TAF1C: variants seen among roughly 807,000 people sequenced by gnomAD.
TAF1C encodes the protein TATA-box binding protein associated factor, RNA polymerase I subunit C.
In TAF1C, 79 loss-of-function variants were observed where a neutral mutation model predicts 70.5. The observed-to-expected ratio is 1.12, with a 90% CI of 0.93 to 1.35. The LOEUF is 1.35. Ranked by LOEUF, TAF1C falls within the 40% of genes most tolerant of loss-of-function variation. The pLI is 0.00. For missense variants in TAF1C, 1,412 were observed against 1,127.8 expected, an observed-to-expected ratio of 1.25 and a Z score of -3.61; for synonymous variants, 614 against 491.1, an observed-to-expected ratio of 1.25 and a Z score of -3.31.
At chr16:84,180,144 C>T (rs933711764) in intron 13 of TAF1C, 26 bp downstream of exon 13, 5 of 1,559,376 alleles carry the variant, frequency 3.2e-6, no homozygotes, top group African/African-American at 2.8e-5. Context: ...CTCCCACACG[C>T]CGCCCACCCT....
In TAF1C at chr16:84,180,044, T is replaced by TG. The variant is rs753315015; in HGVS notation, c.1522dup (p.Gln508ProfsTer19). On this transcript the variant is annotated frameshift_variant, in exon 14 of 15. Coordinates refer to ENST00000566732, the MANE Select transcript of TAF1C (RefSeq NM_001243156.2). LOFTEE classifies it high-confidence loss of function. ...GGAGTCGATCCTGGAAGGAAGAGAC[T>TG]GGGGGGGGCCTGCCAGGCGGGGCAC... The TG allele has an allele frequency of 5.4e-5, 86 of 1,605,834 alleles. No individual in the cohort carries two copies. The highest frequency in any genetic ancestry group is 1.0e-4 in the South Asian group (9 of 90,206).
intron 1 of TAF1C, 184 bp from the exon 2 acceptor site, chr16:84,185,244 C>T (rs2089418322): frequency 1.1e-5 from 4 of 380,866 alleles, no homozygotes; most frequent in Non-Finnish European, 1.4e-5. Flanking sequence ...CCAGGAAAAG[C>T]CTCGTTGAGA....
Position 84,179,594 on chromosome 16 carries a change from A to C in TAF1C, c.1879T>G (p.Trp627Gly). 6.2e-7 allele frequency: 1 copy of C among 1,612,702 alleles called. No individual in the cohort carries two copies. Among genetic ancestry groups the C allele is most frequent in the Non-Finnish European group, 8.5e-7 (1 of 1,179,896 alleles). ...CGGTGGGTGAAGGTGGGTGCTGTCCACACAGGAGGAGCCAGGGGCACTTTT... is the reference window on the plus strand; with the variant it reads ...CGGTGGGTGAAGGTGGGTGCTGTCCCCACAGGAGGAGCCAGGGGCACTTTT... ...LLKVPLAPPV[W>G]TAPTFTHRQM... The change falls in exon 15 of 15, where the codon TGG (tryptophan) becomes GGG (glycine). Residue 627 changes from tryptophan (W) to glycine (G), a missense_variant. Coordinates refer to ENST00000566732, the MANE Select transcript of TAF1C (RefSeq NM_001243156.2).
Position 84,179,952 on chromosome 16 carries a change from T to C in TAF1C, c.1615A>G (p.Thr539Ala). ...WRLQERLKAP[T>A]IGLAAVVPPL... is the part of the protein sequence containing the mutation. ...ACTCCCCCACCCAGCACACCTATGG[T>C]CGGTGCTTTCAGGCGCTCCTGCAGC... Residue 539 changes from threonine (T) to alanine (A), a missense_variant, in exon 14 of 15, where the codon ACC becomes GCC. Transcript: ENST00000566732. 2 of 1,611,980 alleles carry C rather than the reference T, an allele frequency of 1.2e-6. No homozygotes were observed. Among genetic ancestry groups the C allele is most frequent in the Middle Eastern group, 1.7e-4 (1 of 6,052 alleles).
At position 84,179,696 on chromosome 16, in the gene TAF1C, G is replaced by A. The variant is rs1035363309; in HGVS notation, c.1777C>T (p.Pro593Ser). The A allele has an allele frequency of 1.2e-6, 2 of 1,612,548 alleles. No homozygotes were observed. Among genetic ancestry groups the A allele is most frequent in the Non-Finnish European group, 1.7e-6 (2 of 1,179,942 alleles). ...GAAGCTGTGGGGGCATGGCAGTCAG[G>A]TTGGGTGTCGCCAGGAGGCCCAGCA... ...RDAGPPGDTQ[P>S]DCHAPTASWT... Residue 593 changes from proline to serine, a missense_variant, in exon 15 of 15, where the codon CCT (proline) becomes TCT (serine). Pro to Ser is a moderately conservative substitution (Grantham distance 74). Coordinates refer to ENST00000566732, the MANE Select transcript of TAF1C (RefSeq NM_001243156.2).
chr16:84,182,330 A>G lies in TAF1C; in HGVS notation c.593T>C (p.Leu198Pro). ...SHLAELLHEELVLRWEQLLLD... is the reference protein window; with the variant it reads ...SHLAELLHEEPVLRWEQLLLD... ...AAGCAGCTGCTCCCACCGCAGCACC[A>G]GCTCCTCGTGCAGCAGCTCTGCCAA... The change falls in exon 7 of 15, where the codon CTG becomes CCG. Residue 198 changes from leucine (L) to proline (P), a missense_variant. Leu to Pro is a moderately conservative substitution (Grantham distance 98). Coordinates refer to ENST00000566732, the MANE Select transcript of TAF1C (RefSeq NM_001243156.2). This position sits in a 1 kb window ranked among gnomAD's most constrained non-coding sequence, Gnocchi z 5.0. 1.2e-6 allele frequency: 2 copies of G among 1,612,726 alleles called. No homozygotes were observed. Among genetic ancestry groups the G allele is most frequent in the South Asian group, 2.2e-5 (2 of 91,062 alleles).
chr16:84,179,112 C>G lies in TAF1C; in HGVS notation c.2361G>C (p.Gln787His), dbSNP rs754663730. 3 of 1,609,296 alleles carry G rather than the reference C, an allele frequency of 1.9e-6. No homozygotes were observed. In the Admixed American group the frequency reaches 5.0e-5, roughly 27 times the overall value. Residue 787 changes from glutamine to histidine, a missense_variant, in exon 15 of 15, where the codon CAG becomes CAC. Transcript: ENST00000566732. ...CAQGVPSEQR[Q>H]MLRDYMAKLP... ...GCTTGGCCATGTAGTCACGGAGCAT[C>G]TGCCGCTGCTCTGATGGGACGCCCT...
rs762827652 is a variant in TAF1C at position 84,180,212 on chromosome 16, G to A, written c.1441C>T (p.Leu481Phe). The change falls in exon 13 of 15, where the codon CTC becomes TTC. Residue 481 changes from leucine (L) to phenylalanine (F), a missense_variant. Leu to Phe is a conservative substitution (Grantham distance 22). Coordinates refer to ENST00000566732, the MANE Select transcript of TAF1C (RefSeq NM_001243156.2). Reference sequence around the variant, plus strand: ...TGCAGCTGCCCACCCTGGCCTCCGAGGAGCAGGGGCTGCACGCAGCTGGGC... The same window carrying A: ...TGCAGCTGCCCACCCTGGCCTCCGAAGAGCAGGGGCTGCACGCAGCTGGGC... The part of the protein sequence containing the change: ...PRPSCVQPLL[L>F]GGQGGQLQLL... 2 of 1,537,342 alleles carry A rather than the reference G, an allele frequency of 1.3e-6. No homozygotes were observed. Among genetic ancestry groups the A allele is most frequent in the East Asian group, 2.4e-5 (1 of 42,018 alleles).
Position 84,184,887 on chromosome 16 carries a change from T to C in TAF1C, c.102A>G (p.Ala34=), listed in dbSNP as rs2151313682. The part of the protein sequence containing the change: ...DLSFMCSWRD[A]LTLPEAQPQN... ...GGGGCTGGGCCTCTGGCAGAGTCAG[T>C]GCGTCTCGCCAGCTGCACATGAAAG... Residue 34 remains alanine (A), a synonymous_variant, in exon 2 of 15, where the codon GCA becomes GCG. Coordinates refer to ENST00000566732, the MANE Select transcript of TAF1C (RefSeq NM_001243156.2). 2 of 1,611,248 alleles carry C rather than the reference T, an allele frequency of 1.2e-6. No homozygotes were observed. Among genetic ancestry groups the C allele is most frequent in the East Asian group, 4.5e-5 (2 of 44,732 alleles).
chr16:84,179,945 C>A lies in TAF1C; in HGVS notation c.1621+1G>T, dbSNP rs1312426702. On this transcript the variant is annotated splice_donor_variant, in intron 14 of 14. Coordinates refer to ENST00000566732, the MANE Select transcript of TAF1C (RefSeq NM_001243156.2). LOFTEE classifies it high-confidence loss of function. ...CAAGCTCACTCCCCCACCCAGCACA[C>A]CTATGGTCGGTGCTTTCAGGCGCTC... 1.1e-5 allele frequency: 18 copies of A among 1,612,250 alleles called. No individual in the cohort carries two copies. The highest frequency in any genetic ancestry group is 1.5e-5 in the Non-Finnish European group (18 of 1,179,874).
rs1309833805 is a variant in TAF1C, at chr16:84,183,755, C to G, written c.162G>C (p.Lys54Asn). The change falls in exon 3 of 15, where the codon AAG becomes AAC. Residue 54 changes from lysine (K) to asparagine (N), a missense_variant. Transcript: ENST00000566732. The stretch of plus-strand genomic sequence containing the variant: ...GGGTTGCCGGCTCCCACAGCAGGTC[C>G]TTGGTCACATGCAGTGCCCCATTCT... Reference protein sequence around the residue: ...NSENGALHVTKDLLWEPATPG... With the variant: ...NSENGALHVTNDLLWEPATPG... 1.9e-6 allele frequency: 3 copies of G among 1,612,908 alleles called. No homozygotes were observed. Among genetic ancestry groups the G allele is most frequent in the Non-Finnish European group, 2.5e-6 (3 of 1,179,176 alleles).
chr16:84,180,274 G>T lies in TAF1C; in HGVS notation c.1379C>A (p.Ser460Tyr). The stretch of plus-strand genomic sequence containing the variant: ...CAGCAGTCGGGCCAGCAGGAGCGGG[G>T]AGGGGAGGCCATGGTTCCACTTCAG... Reference protein sequence around the residue: ...PMLKWNHGLPSPLLLARLLPP... With the variant: ...PMLKWNHGLPYPLLLARLLPP... Residue 460 changes from serine to tyrosine, a missense_variant, in exon 13 of 15, where the codon TCC (serine) becomes TAC (tyrosine). Physicochemically the swap from Ser to Tyr is moderately radical, Grantham distance 144. Coordinates refer to ENST00000566732, the MANE Select transcript of TAF1C (RefSeq NM_001243156.2). 1.3e-6 allele frequency: 2 copies of T among 1,549,546 alleles called. No individual in the cohort carries two copies. Among genetic ancestry groups the T allele is most frequent in the Non-Finnish European group, 8.7e-7 (1 of 1,148,462 alleles).
chr16:84,180,560 G>C, intron 12 of TAF1C: 1 of 607,238 alleles, frequency 1.6e-6, no homozygotes, highest in Non-Finnish European at 2.7e-6. Context: ...TGGACAGACA[G>C]AACAAGTGGG....
Position 84,183,353 on chromosome 16 carries a change from A to T in TAF1C, c.319-20T>A, listed in dbSNP as rs1248217370. ...GCTGATCTGGGGAGAAGAGGAGGCCAGGTCACTAAGCACAGTCTCCAGGCT... is the reference window on the plus strand; with the variant it reads ...GCTGATCTGGGGAGAAGAGGAGGCCTGGTCACTAAGCACAGTCTCCAGGCT... On this transcript the variant is annotated intron_variant, in intron 4 of 14. Coordinates refer to ENST00000566732, the MANE Select transcript of TAF1C (RefSeq NM_001243156.2). 1 of 1,613,942 alleles carries T rather than the reference A, an allele frequency of 6.2e-7. No homozygotes were observed. The highest frequency in any genetic ancestry group is 2.2e-5 in the East Asian group (1 of 44,876).
chr16:84,183,388 T>C, intron 4 of TAF1C, 22 bp downstream of exon 4: 1 of 1,613,384 alleles, frequency 6.2e-7, no homozygotes, highest in South Asian at 1.1e-5. Context: ...TACGCAGCAC[T>C]GTCCCCCGTG....
chr16:84,185,370 T>C (rs2089424995), intron 1 of TAF1C: 2 of 160,430 alleles, frequency 1.2e-5, no homozygotes, highest in African/African-American at 2.4e-5. Context: ...CAGTGAAGTG[T>C]GTGAGAAAAT....
At position 84,182,188 on chromosome 16, in the gene TAF1C, G is replaced by A. The variant is rs761489280; in HGVS notation, c.721+14C>T. 3.9e-5 allele frequency: 63 copies of A among 1,601,270 alleles called. No homozygotes were observed. Among genetic ancestry groups the A allele is most frequent in the Non-Finnish European group, 4.7e-5 (55 of 1,171,732 alleles). ...CGAGCCCGCTGGAATCTCCTGTCTCGCAAGAAAGGATACGCAGCCTGTCCT... is the reference window on the plus strand; with the variant it reads ...CGAGCCCGCTGGAATCTCCTGTCTCACAAGAAAGGATACGCAGCCTGTCCT... On this transcript the variant is annotated intron_variant, in intron 7 of 14. Transcript: ENST00000566732. This position sits in a 1 kb window ranked among gnomAD's most constrained non-coding sequence, Gnocchi z 5.0.
In TAF1C at chr16:84,181,642, C is replaced by G. The variant is rs369977698; in HGVS notation, c.978G>C (p.Leu326=). The change falls in exon 10 of 15, where the codon CTG becomes CTC. Residue 326 remains leucine (L), a synonymous_variant. Transcript: ENST00000566732. The stretch of plus-strand genomic sequence containing the variant: ...CGGCTCCCGAGCGGCTGCAGATGGC[C>G]AGCTCCCCGGGCAGGTGAGGGCTAC... The part of the protein sequence containing the change: ...ISLSPHLPGE[L]AICSRSGAVC... The G allele has an allele frequency of 8.1e-6, 13 of 1,613,856 alleles. No individual in the cohort carries two copies. Among genetic ancestry groups the G allele is most frequent in the Non-Finnish European group, 1.1e-5 (13 of 1,179,978 alleles).
At chr16:84,181,570 G>C in intron 10 of TAF1C, 22 bp downstream of exon 10, 1 of 1,613,936 alleles carries the variant, frequency 6.2e-7, no homozygotes, top group Non-Finnish European at 8.5e-7. Flanking sequence ...AGGGTGGGGG[G>C]TTTCACAGGA....
Sources: gnomAD v4.1 joint callset for allele counts on GRCh38, gnomAD v4.1.1 for gene constraint, Gnocchi (gnomAD v3.1) non-coding constraint, MANE v1.5 for transcripts, NCBI Gene and HGNC (gene_info 2026-07-23, HGNC 2026-07-21) for gene names.